The following MTSS2 variants were observed in gnomAD, a reference collection of about 807,000 sequenced individuals.
MTSS2 encodes the protein MTSS I-BAR domain containing 2.
MTSS2 carries 27 observed loss-of-function variants against 67.1 expected under a neutral mutation model. The ratio of observed to expected loss-of-function variants is 0.40; its 90% CI spans 0.30 to 0.55. The LOEUF (loss-of-function observed/expected upper bound fraction) is 0.55, where lower values mean the gene tolerates loss of function less well. Ranked by LOEUF, MTSS2 falls within the 20% of genes least tolerant of loss-of-function variation. The pLI is 0.43. For synonymous variants in MTSS2, 624 were observed against 468.6 expected (o/e 1.33, Z -4.28); for missense variants, 1,171 against 1,067.8 (o/e 1.10, Z -1.35).
intron 10 of MTSS2, among the ~76,000 whole-genome samples, chr16:70,676,132 G>C (rs1297087714): frequency 6.6e-6 from 1 of 152,242 alleles, no homozygotes; most frequent in East Asian, 1.9e-4. Flanking sequence ...GGGGTGCCTG[G>C]CAAAGGGGGG....
chr16:70,662,192 CAATCAATCA>C lies in MTSS2; in HGVS notation c.*1476_*1484del, dbSNP rs1273414210. 2.0e-5 allele frequency: 1 copy of C among 49,618 alleles called. No homozygotes were observed. Among genetic ancestry groups the C allele is most frequent in the East Asian group, 6.6e-4 (1 of 1,510 alleles). 3.1% of individuals were successfully genotyped at this position (49,618 alleles called of 1,614,324 possible). A position where few individuals can be genotyped will look rare whatever the true frequency, so the allele number is the denominator to read the frequency against. On this transcript the variant is annotated 3_prime_UTR_variant, in exon 15 of 15. Coordinates refer to ENST00000338779, the MANE Select transcript of MTSS2 (RefSeq NM_138383.3). ...AGGCTCAGACCCAGCTCCATTCTAT[CAATCAATCA>C]ATCAATCATCAAGACCAAGGTGCTC...
In MTSS2 at chr16:70,678,302, C is replaced by A; in HGVS notation, c.574G>T (p.Glu192Ter). The A allele has an allele frequency of 6.2e-7, 1 of 1,612,452 alleles. No homozygotes were observed. The highest frequency in any genetic ancestry group is 8.5e-7 in the Non-Finnish European group (1 of 1,179,964). ...EKQAVRRALIEERGRFCTFIT... is the reference protein window; with the variant it reads ...EKQAVRRALI ...AAGGTGCAGAAGCGGCCCCGCTCCT[C>A]GATCAGCGCCCGGCGCACGGCCTGC... The change falls in exon 8 of 15, where the codon GAG becomes TAG. Residue 192 changes from glutamate (E) to a stop codon, truncating the protein, a stop_gained. Transcript: ENST00000338779. LOFTEE classifies it high-confidence loss of function.
chr16:70,683,898 C>G (rs2053377390), intron 1 of MTSS2, among the ~76,000 whole-genome samples: 1 of 152,256 alleles, frequency 6.6e-6, no homozygotes, highest in South Asian at 2.1e-4. Flanking sequence ...GTCATGGCCC[C>G]TGAACACATG....
At chr16:70,682,474 A>C (rs1014021400) in intron 1 of MTSS2, among the ~76,000 whole-genome samples, 1 of 152,110 alleles carries the variant, frequency 6.6e-6, no homozygotes, top group African/African-American at 2.4e-5. Flanking sequence ...AGGGGGGTCC[A>C]GAGCCAGCTG....
rs374383281 is a variant in MTSS2, at chr16:70,664,498, C to T, written c.1472-49G>A. 233 of 1,548,524 alleles carry T rather than the reference C, an allele frequency of 1.5e-4. 1 individual carries two copies. The highest frequency in any genetic ancestry group is 5.6e-5 in the Non-Finnish European group (64 of 1,145,210). ...GCCCAGGGCCCAGGTGGCCCCTTGC[C>T]CCCAGCCCACCAGGGTGAGCACAGA... On this transcript the variant is annotated intron_variant, in intron 14 of 14. Transcript: ENST00000338779.
chr16:70,661,666 G>T lies in MTSS2; in HGVS notation c.*2011C>A, dbSNP rs964767812. On this transcript the variant is annotated 3_prime_UTR_variant, in exon 15 of 15. Coordinates refer to ENST00000338779, the MANE Select transcript of MTSS2 (RefSeq NM_138383.3). ...CGGGGGTGGTCTCAGGGATGGACAAGGGGATGGAGTAGAGTATGTACAGCC... is the reference window on the plus strand; with the variant it reads ...CGGGGGTGGTCTCAGGGATGGACAATGGGATGGAGTAGAGTATGTACAGCC... 2 of 334,924 alleles carry T rather than the reference G, an allele frequency of 6.0e-6. No individual in the cohort carries two copies. The highest frequency in any genetic ancestry group is 1.2e-5 in the Non-Finnish European group (2 of 172,684). 20.7% of individuals were successfully genotyped at this position (334,924 alleles called of 1,614,324 possible).
chr16:70,677,704 C>T (rs999097760), intron 9 of MTSS2, 88 bp downstream of exon 9: 16 of 1,034,022 alleles, frequency 1.5e-5, no homozygotes, highest in Non-Finnish European at 2.0e-5. Flanking sequence ...CAAATGCCAT[C>T]CTCTTTTCCC....
Position 70,665,182 on chromosome 16 carries a change from G to A in MTSS2, c.1129-86C>T, listed in dbSNP as rs756147036. The A allele has an allele frequency of 6.9e-6, 10 of 1,446,310 alleles. No individual in the cohort carries two copies. The South Asian group carries it at 1.1e-4, about 16-fold the overall frequency. The allele number at this position is 1,446,310 out of a possible 1,614,324, so 89.6% of individuals were successfully genotyped here. Reference sequence around the variant, plus strand: ...CCCGTCACTGTGGCTGAGGCTCAGGGTGTCCAGGGCTATCAGGGGGTCTCT... The same window carrying A: ...CCCGTCACTGTGGCTGAGGCTCAGGATGTCCAGGGCTATCAGGGGGTCTCT... On this transcript the variant is annotated intron_variant, in intron 12 of 14. Transcript: ENST00000338779.
Position 70,664,313 on chromosome 16 carries a change from TG to T in MTSS2, c.1607del (p.Pro536GlnfsTer58). The T allele has an allele frequency of 6.3e-7, 1 of 1,590,324 alleles. No homozygotes were observed. Among genetic ancestry groups the T allele is most frequent in the Admixed American group, 1.8e-5 (1 of 55,448 alleles). On this transcript the variant is annotated frameshift_variant, in exon 15 of 15. Transcript: ENST00000338779. LOFTEE classifies it low-confidence loss of function (END_TRUNC). The stretch of plus-strand genomic sequence containing the variant: ...CGGTGGGCAGCCCAGCAGTGGAGGC[TG>T]GGCGCTTGGTCTGGATCAGGCGGCG... ...NYRRLIQTKR[P>X]ASTAGLPTAG...
At chr16:70,680,154 G>T in intron 3 of MTSS2, 99 bp from the exon 4 acceptor site, 1 of 758,522 alleles carries the variant, frequency 1.3e-6, no homozygotes, top group Non-Finnish European at 1.7e-6. Flanking sequence ...GGCGGAGCCC[G>T]CAGCCCGCGC....
chr16:70,677,122 A>C, intron 9 of MTSS2, 144 bp from the exon 10 acceptor site: 2 of 630,798 alleles, frequency 3.2e-6, no homozygotes, highest in Non-Finnish European at 5.5e-6. Context: ...GCTCCTCCTA[A>C]TGTGGGGAGC....
chr16:70,664,880 G>A (rs1176802417), intron 13 of MTSS2, 40 bp downstream of exon 13: 8 of 1,521,116 alleles, frequency 5.3e-6, no homozygotes, highest in Non-Finnish European at 5.3e-6. Context: ...GGGCCTCCTG[G>A]GACTGACCTG....
chr16:70,675,099 G>C (rs1198528258), intron 10 of MTSS2, among the ~76,000 whole-genome samples: 1 of 148,622 alleles, frequency 6.7e-6, no homozygotes, highest in Non-Finnish European at 1.5e-5. Flanking sequence ...GGAGAGCAAG[G>C]CTCTGTCTTG....
intron 1 of MTSS2, among the ~76,000 whole-genome samples, chr16:70,683,914 G>A (rs1273245371): frequency 2.0e-5 from 3 of 152,228 alleles, no homozygotes; most frequent in Admixed American, 2.0e-4. Flanking sequence ...ACATGCCTGT[G>A]TCATAGGTAG....
chr16:70,665,392 T>C lies in MTSS2; in HGVS notation c.1128+74A>G, dbSNP rs1597798921. The C allele has an allele frequency of 3.5e-6, 5 of 1,438,822 alleles. No homozygotes were observed. The East Asian group carries it at 1.2e-4, about 36-fold the overall frequency. 89.1% of individuals were successfully genotyped at this position (1,438,822 alleles called of 1,614,324 possible). A position where few individuals can be genotyped will look rare whatever the true frequency, so the allele number is the denominator to read the frequency against. On this transcript the variant is annotated intron_variant, in intron 12 of 14. Transcript: ENST00000338779. ...TGAACCCAGGCCCTTTGTGCAGTAA[T>C]GGCACCAGGTGGGGAGGGCATGGAT...
Position 70,663,894 on chromosome 16 carries a change from T to A in MTSS2, c.2027A>T (p.Glu676Val), listed in dbSNP as rs765968230. 227 of 1,547,970 alleles carry A rather than the reference T, an allele frequency of 1.5e-4. 1 individual carries two copies. In the South Asian group the frequency reaches 2.3e-3, roughly 15 times the overall value. The change falls in exon 15 of 15, where the codon GAG becomes GTG. Residue 676 changes from glutamate (E) to valine (V), a missense_variant. Around this residue, in one of 2 missense-constraint regions of MTSS2, gnomAD observed 924 missense variants for 756.0 expected, o/e 1.22. Transcript: ENST00000338779. ...ACCCGCCACCAGCTCCCCCAGCTTC[T>A]CCACCAGGCTGTGCCGGTTGGCCGC... is the stretch of plus-strand genomic sequence containing the variant. The part of the protein sequence containing the change: ...QLAANRHSLV[E>V]KLGELVAGAH...
chr16:70,665,631 G>C (rs940384897), intron 11 of MTSS2, 91 bp from the exon 12 acceptor site: 18 of 1,117,290 alleles, frequency 1.6e-5, no homozygotes, highest in Non-Finnish European at 2.2e-5. Context: ...CACAGAGCTG[G>C]CATGCAGGGG....
chr16:70,667,701 T>G (rs372636035), intron 11 of MTSS2, among the ~76,000 whole-genome samples: 8 of 151,210 alleles, frequency 5.3e-5, no homozygotes, highest in African/African-American at 1.9e-4. Context: ...GGTGAAACAC[T>G]GTCTCTACTA....
intron 11 of MTSS2, among the ~76,000 whole-genome samples, chr16:70,666,794 T>C (rs982607526): frequency 1.3e-5 from 2 of 152,082 alleles, no homozygotes; most frequent in Admixed American, 1.3e-4. Context: ...TGAAAAACAA[T>C]ACAAAGACAC....
Sources: allele counts gnomAD v4.1 joint callset (sites outside exome capture counted in the v4.1 genomes callset), GRCh38; gene constraint gnomAD v4.1.1; regional missense constraint gnomAD v4.1.1; transcripts MANE v1.5; gene names NCBI Gene and HGNC (gene_info 2026-07-23, HGNC 2026-07-21).